The following BCAS3 variants were observed in gnomAD, a reference collection of about 807,000 sequenced individuals.
The protein encoded by BCAS3 is BCAS3 microtubule associated cell migration factor.
Under a neutral mutation model 116.1 loss-of-function variants are expected in BCAS3, and 53 were observed. The observed-to-expected ratio is 0.46, with a 90% CI of 0.37 to 0.57. The LOEUF (loss-of-function observed/expected upper bound fraction) is 0.57, where lower values mean the gene tolerates loss of function less well. Among genes scored for constraint, BCAS3 ranks in the 20% least tolerant of loss-of-function variants. The probability of loss-of-function intolerance (pLI) is 0.00; values close to 1 mark genes in which losing one functional copy is unlikely to be tolerated. For synonymous variants in BCAS3, 391 were observed against 408.2 expected, an observed-to-expected ratio of 0.96 and a Z score of 0.51; for missense variants, 917 against 1,165.4, an observed-to-expected ratio of 0.79 and a Z score of 3.10.
intron 19 of BCAS3, among the ~76,000 whole-genome samples, chr17:61,060,868 C>T (rs764030680): frequency 6.6e-6 from 1 of 152,126 alleles, no homozygotes; most frequent in South Asian, 2.1e-4. Flanking sequence ...CCCACCATTA[C>T]GTAAAACAGG....
rs141365449 is a variant in BCAS3 at position 61,054,477 on chromosome 17, G to C, written c.2029+13585G>C. Among the ~76,000 whole-genome samples the C allele has an allele frequency of 1.7e-3, 255 of 152,132 alleles. 1 individual carries two copies. Among genetic ancestry groups the C allele is most frequent in the African/African-American group, 5.3e-3 (221 of 41,512 alleles). On this transcript the variant is annotated intron_variant, in intron 19 of 23. Coordinates refer to ENST00000407086, the MANE Select transcript of BCAS3 (RefSeq NM_017679.5). ...AACCTCCCAGGCTCAGGTGATTCTC[G>C]TGCCTCAGCCTCCTAAGTAGCTGGG...
At chr17:60,951,764 CTTTT>C (rs769133578) in intron 14 of BCAS3, among the ~76,000 whole-genome samples, 2 of 109,502 alleles carry the variant, frequency 1.8e-5, no homozygotes, top group Admixed American at 1.0e-4. Flanking sequence ...TCTTTTCTTT[CTTTT>C]TTTTTTTTTT....
chr17:60,927,563 A>G (rs947591954), intron 13 of BCAS3, among the ~76,000 whole-genome samples: 1 of 151,434 alleles, frequency 6.6e-6, no homozygotes, highest in Admixed American at 6.6e-5. Flanking sequence ...TCCTTTCCTT[A>G]TTTTTCTATA....
Position 61,239,493 on chromosome 17 carries a change from C to G in BCAS3, c.2426-128834C>G, listed in dbSNP as rs1307884704. Among the ~76,000 whole-genome samples the G allele has an allele frequency of 6.6e-6, 1 of 152,132 alleles. No individual in the cohort carries two copies. Among genetic ancestry groups the G allele is most frequent in the Non-Finnish European group, 1.5e-5 (1 of 68,026 alleles). On this transcript the variant is annotated intron_variant, in intron 22 of 23. Coordinates refer to ENST00000407086, the MANE Select transcript of BCAS3 (RefSeq NM_017679.5). This position sits in a 1 kb window ranked among gnomAD's most constrained non-coding sequence, Gnocchi z 4.2. ...CTTATGAAGCTTTTGGAAATTTGGT[C>G]TAGTGATGAGTAATTCTTTCTTTCT...
intron 23 of BCAS3, among the ~76,000 whole-genome samples, chr17:61,373,731 C>CCCCG (rs764640285): frequency 2.7e-5 from 4 of 147,830 alleles, no homozygotes; most frequent in South Asian, 2.2e-4. Flanking sequence ...GATGCCCAGC[C>CCCCG]CCTGTTTAAA....
chr17:61,116,862 A>C (rs889634933), intron 22 of BCAS3, among the ~76,000 whole-genome samples: 1 of 152,078 alleles, frequency 6.6e-6, no homozygotes, highest in African/African-American at 2.4e-5. Context: ...ATGTTAATTG[A>C]AGTTTTTTTC....
chr17:61,172,520 C>T (rs1476782360), intron 22 of BCAS3, among the ~76,000 whole-genome samples: 2 of 151,760 alleles, frequency 1.3e-5, no homozygotes, highest in Non-Finnish European at 2.9e-5. Flanking sequence ...GCCTGTAGTC[C>T]TAGCTACTCG....
intron 18 of BCAS3, among the ~76,000 whole-genome samples, chr17:61,038,668 GT>G (rs1244364326): frequency 2.4e-3 from 274 of 113,908 alleles, no homozygotes; most frequent in Middle Eastern, 5.7e-3. Context: ...TTTTGTTTTT[GT>G]TTTTTTTTTT....
intron 20 of BCAS3, 23 bp downstream of exon 20, chr17:61,075,043 G>C (rs750120941): frequency 1.6e-5 from 24 of 1,543,734 alleles, no homozygotes; most frequent in Non-Finnish European, 8.9e-7. Flanking sequence ...AATATTGAGA[G>C]TATTAAAGTA....
chr17:61,256,603 C>T lies in BCAS3; in HGVS notation c.2426-111724C>T, dbSNP rs551423756. Among the ~76,000 whole-genome samples the T allele has an allele frequency of 1.3e-5, 2 of 152,266 alleles. No individual in the cohort carries two copies. Among genetic ancestry groups the T allele is most frequent in the South Asian group, 2.1e-4 (1 of 4,820 alleles). On this transcript the variant is annotated intron_variant, in intron 22 of 23. Coordinates refer to ENST00000407086, the MANE Select transcript of BCAS3 (RefSeq NM_017679.5). This position sits in a 1 kb window ranked among gnomAD's most constrained non-coding sequence, Gnocchi z 5.6. ...ACAGGCGTGAGCCACCGCGCCTGGCCGTTTGGTTTTGTTTAGGTGTCTTTG... is the reference window on the plus strand; with the variant it reads ...ACAGGCGTGAGCCACCGCGCCTGGCTGTTTGGTTTTGTTTAGGTGTCTTTG...
intron 15 of BCAS3, among the ~76,000 whole-genome samples, chr17:60,997,437 T>G (rs2063916037): frequency 6.6e-6 from 1 of 152,180 alleles, no homozygotes; most frequent in Non-Finnish European, 1.5e-5. Context: ...CAGGAACATT[T>G]AGAGGAGACA....
rs961370743 is a variant in BCAS3, at chr17:61,198,265, C to T, written c.2425+113701C>T. 6.6e-6 allele frequency among the ~76,000 whole-genome samples: 1 copy of T among 151,916 alleles called. No homozygotes were observed. The highest frequency in any genetic ancestry group is 1.5e-5 in the Non-Finnish European group (1 of 67,982). On this transcript the variant is annotated intron_variant, in intron 22 of 23. Transcript: ENST00000407086. This position sits in a 1 kb window ranked among gnomAD's most constrained non-coding sequence, Gnocchi z 5.0. The stretch of plus-strand genomic sequence containing the variant: ...ATGCCATTCTCCTGCCTCAGCCTCC[C>T]AAGTAGCTGGGACTACAGGCGCCAG...
chr17:61,353,283 G>T (rs1037839793), intron 22 of BCAS3, among the ~76,000 whole-genome samples: 1 of 152,186 alleles, frequency 6.6e-6, no homozygotes, highest in Non-Finnish European at 1.5e-5. Flanking sequence ...GACAGGCCAG[G>T]GGGAGGGGAG....
intron 21 of BCAS3, among the ~76,000 whole-genome samples, chr17:61,078,846 T>G (rs563253566): frequency 7.2e-5 from 11 of 152,360 alleles, no homozygotes; most frequent in African/African-American, 2.6e-4. Context: ...TGTATTCTTT[T>G]CCTGATCTTT....
chr17:61,148,669 A>G (rs959349927), intron 22 of BCAS3, among the ~76,000 whole-genome samples: 3 of 152,294 alleles, frequency 2.0e-5, no homozygotes, highest in Non-Finnish European at 4.4e-5. Flanking sequence ...TCCTCATAAC[A>G]TCCCTACAAG....
chr17:61,150,196 G>A (rs2077469060), intron 22 of BCAS3, among the ~76,000 whole-genome samples: 1 of 152,208 alleles, frequency 6.6e-6, no homozygotes. Flanking sequence ...TGGTCAGGAA[G>A]ATTGCTTACT....
intron 22 of BCAS3, among the ~76,000 whole-genome samples, chr17:61,232,306 C>T (rs1490821398): frequency 6.6e-6 from 1 of 151,136 alleles, no homozygotes; most frequent in Non-Finnish European, 1.5e-5. Context: ...TGCTTTGTTT[C>T]CCAGATAATT....
chr17:61,148,738 G>A (rs1310068570), intron 22 of BCAS3, among the ~76,000 whole-genome samples: 1 of 152,176 alleles, frequency 6.6e-6, no homozygotes, highest in African/African-American at 2.4e-5. Flanking sequence ...AGCAAAAGTA[G>A]AAATCTACTG....
chr17:61,052,186 G>A (rs1197804032), intron 19 of BCAS3, among the ~76,000 whole-genome samples: 2 of 151,474 alleles, frequency 1.3e-5, no homozygotes, highest in East Asian at 1.9e-4. Context: ...TTTTATTTAC[G>A]TTGACCACTT....
Sources: allele counts gnomAD v4.1 joint callset (sites outside exome capture counted in the v4.1 genomes callset), GRCh38; gene constraint gnomAD v4.1.1; non-coding constraint Gnocchi (gnomAD v3.1); transcripts MANE v1.5; gene names NCBI Gene and HGNC (gene_info 2026-07-23, HGNC 2026-07-21).